CARD19: variants seen among roughly 807,000 people sequenced by gnomAD.
CARD19 encodes the protein caspase recruitment domain-containing protein 19.
A neutral mutation model predicts 24.1 loss-of-function variants in CARD19; 25 were observed. The ratio of observed to expected loss-of-function variants is 1.04; its 90% CI spans 0.76 to 1.45. CARD19 has a LOEUF of 1.45. Ranked by LOEUF, CARD19 falls within the 40% of genes most tolerant of loss-of-function variation. The pLI is 0.00. For missense variants in CARD19, 241 were observed against 247.4 expected (o/e 0.97, Z 0.17); for synonymous variants, 103 against 104.9 (o/e 0.98, Z 0.11).
Position 93,111,133 on chromosome 9 carries a change from A to G in CARD19, c.304+412A>G, listed in dbSNP as rs1025437417. 8 of 1,227,662 alleles carry G rather than the reference A, an allele frequency of 6.5e-6. No homozygotes were observed. In the Admixed American group the frequency reaches 1.2e-4, roughly 18 times the overall value. The allele number at this position is 1,227,662 out of a possible 1,614,324, so 76.0% of individuals were successfully genotyped here. On this transcript the variant is annotated intron_variant, in intron 3 of 5. Transcript: ENST00000375464. ...GTCCCAGCTGGAATTACCCAACCCCATGACGGACCCTTTCATTGCAGCGAT... is the reference window on the plus strand; with the variant it reads ...GTCCCAGCTGGAATTACCCAACCCCGTGACGGACCCTTTCATTGCAGCGAT...
chr9:93,102,030 C>T (rs1479403988), intron 1 of CARD19, among the ~76,000 whole-genome samples: 3 of 149,716 alleles, frequency 2.0e-5, no homozygotes, highest in Non-Finnish European at 4.4e-5. Context: ...GGCGCCATCT[C>T]GGCTAACTGC....
Position 93,096,517 on chromosome 9 carries a change from G to T in CARD19, c.7+165G>T, listed in dbSNP as rs1826865640. 1.3e-5 allele frequency among the ~76,000 whole-genome samples: 2 copies of T among 152,154 alleles called. No homozygotes were observed. The highest frequency in any genetic ancestry group is 4.8e-5 in the African/African-American group (2 of 41,448). On this transcript the variant is annotated intron_variant, in intron 1 of 5. Transcript: ENST00000375464. This position sits in a 1 kb window ranked among gnomAD's most constrained non-coding sequence, Gnocchi z 5.4. ...CGGTGGTGCGCGAGTGCACCCCCGC[G>T]AAGTGGTGGGTGTCCCGGGGCTTCT...
chr9:93,110,443 C>T, intron 2 of CARD19, 125 bp from the exon 3 acceptor site: 1 of 1,468,556 alleles, frequency 6.8e-7, no homozygotes, highest in South Asian at 1.4e-5. Context: ...CAGGAGCTGC[C>T]ATCCAGCAGG....
At chr9:93,107,567 A>C (rs2130722579) in intron 1 of CARD19, 107 bp from the exon 2 acceptor site, 1 of 1,325,310 alleles carries the variant, frequency 7.5e-7, no homozygotes, top group African/African-American at 1.5e-5. Context: ...TCCTGGTGGG[A>C]ACCCACCTTG....
chr9:93,112,786 CA>C (rs1230356970), intron 5 of CARD19, among the ~76,000 whole-genome samples: 7 of 152,206 alleles, frequency 4.6e-5, no homozygotes, highest in Non-Finnish European at 7.3e-5. Flanking sequence ...TGGCAGGACT[CA>C]AAGGCCCGTG....
chr9:93,100,923 G>A (rs905811816), intron 1 of CARD19, among the ~76,000 whole-genome samples: 4 of 152,180 alleles, frequency 2.6e-5, no homozygotes. Flanking sequence ...TTAGGGCTGA[G>A]TAATATTCCA....
intron 1 of CARD19, among the ~76,000 whole-genome samples, chr9:93,100,965 T>C (rs1009997368): frequency 2.0e-5 from 3 of 152,248 alleles, no homozygotes; most frequent in Non-Finnish European, 2.9e-5. Flanking sequence ...ATTTTGATAA[T>C]TCATTCGTCT....
At chr9:93,101,188 G>A (rs983616599) in intron 1 of CARD19, among the ~76,000 whole-genome samples, 4 of 151,618 alleles carry the variant, frequency 2.6e-5, no homozygotes, top group Admixed American at 6.6e-5. Flanking sequence ...AGTGATTCTC[G>A]TGCCTCAGCC....
chr9:93,103,105 C>A (rs1189995144), intron 1 of CARD19, among the ~76,000 whole-genome samples: 1 of 152,126 alleles, frequency 6.6e-6, no homozygotes, highest in Non-Finnish European at 1.5e-5. Flanking sequence ...AATTTGGATG[C>A]CTTTTATTCC....
At chr9:93,111,144 T>C in intron 3 of CARD19, 2 of 1,221,446 alleles carry the variant, frequency 1.6e-6, no homozygotes, top group Non-Finnish European at 2.1e-6. Context: ...TGACGGACCC[T>C]TTCATTGCAG....
At chr9:93,106,890 C>G (rs1827284077) in intron 1 of CARD19, among the ~76,000 whole-genome samples, 2 of 152,158 alleles carry the variant, frequency 1.3e-5, no homozygotes, top group African/African-American at 4.8e-5. Context: ...GCCCCATCCT[C>G]TCCATGCCCT....
At chr9:93,111,126 C>G in intron 3 of CARD19, 1 of 1,250,702 alleles carries the variant, frequency 8.0e-7, no homozygotes, top group Non-Finnish European at 1.0e-6. Context: ...TGGAATTACC[C>G]AACCCCATGA....
chr9:93,097,942 G>A (rs1251511417), intron 1 of CARD19, among the ~76,000 whole-genome samples: 1 of 152,238 alleles, frequency 6.6e-6, no homozygotes. Context: ...CACAGCTCTG[G>A]GAGGGTCATA....
chr9:93,096,445 GC>G lies in CARD19; in HGVS notation c.7+95del, dbSNP rs1291954222. On this transcript the variant is annotated intron_variant, in intron 1 of 5. Transcript: ENST00000375464. The surrounding 1 kb of genome is among the most constrained non-coding windows in gnomAD (Gnocchi z 5.4). ...CGGCTGCCTTGCGAGTCGCCTGCAG[GC>G]CGCGCCTGGGCAGCGGGGGCCGAGT... The G allele has an allele frequency of 3.0e-5, 34 of 1,143,430 alleles. No individual in the cohort carries two copies. The highest frequency in any genetic ancestry group is 3.7e-5 in the Non-Finnish European group (34 of 910,120). The allele number at this position is 1,143,430 out of a possible 1,614,324, so 70.8% of individuals were successfully genotyped here.
intron 1 of CARD19, among the ~76,000 whole-genome samples, chr9:93,101,472 C>G (rs1476159240): frequency 6.7e-6 from 1 of 150,330 alleles, no homozygotes; most frequent in East Asian, 1.9e-4. Context: ...GACGGAGTCT[C>G]ACTGTCGCCC....
intron 1 of CARD19, among the ~76,000 whole-genome samples, chr9:93,097,921 G>A (rs1826940765): frequency 6.6e-6 from 1 of 152,242 alleles, no homozygotes; most frequent in Admixed American, 6.5e-5. Context: ...GGGGAACCAA[G>A]GCCCATGGAG....
At chr9:93,111,652 G>C (rs1215601048) in intron 3 of CARD19, 1 of 1,385,458 alleles carries the variant, frequency 7.2e-7, no homozygotes, top group East Asian at 2.6e-5. Flanking sequence ...TGGAGGTAGA[G>C]CACCTTCTGT....
intron 1 of CARD19, among the ~76,000 whole-genome samples, chr9:93,102,205 C>G (rs958512196): frequency 6.6e-6 from 1 of 151,624 alleles, no homozygotes; most frequent in East Asian, 2.0e-4. Context: ...TAGGTGACCT[C>G]AGGTCATCTG....
rs1365196429 is a variant in CARD19 at position 93,096,492 on chromosome 9, C to T, written c.7+140C>T. On this transcript the variant is annotated intron_variant, in intron 1 of 5. Transcript: ENST00000375464. This position sits in a 1 kb window ranked among gnomAD's most constrained non-coding sequence, Gnocchi z 5.4. ...CGAGTGACCTTGGCCCGTCAGCTGTCGGTGGTGCGCGAGTGCACCCCCGCG... is the reference window on the plus strand; with the variant it reads ...CGAGTGACCTTGGCCCGTCAGCTGTTGGTGGTGCGCGAGTGCACCCCCGCG... The T allele has an allele frequency of 9.9e-6, 8 of 810,308 alleles. No individual in the cohort carries two copies. Among genetic ancestry groups the T allele is most frequent in the Non-Finnish European group, 1.3e-5 (8 of 608,660 alleles). The allele number at this position is 810,308 out of a possible 1,614,324, so 50.2% of individuals were successfully genotyped here.
Sources: gnomAD v4.1 joint callset for allele counts (sites outside exome capture counted in the v4.1 genomes callset) on GRCh38, gnomAD v4.1.1 for gene constraint, Gnocchi (gnomAD v3.1) non-coding constraint, MANE v1.5 for transcripts, NCBI Gene and HGNC (gene_info 2026-07-23, HGNC 2026-07-21) for gene names.